The following ZNF467 variants were observed in gnomAD, a reference collection of about 807,000 sequenced individuals.
The protein encoded by ZNF467 is zinc finger protein 467, also known as zinc finger protein EZI.
In ZNF467, 51 loss-of-function variants were observed where a neutral mutation model predicts 47.8. The observed-to-expected ratio is 1.07, with a 90% CI of 0.85 to 1.35. ZNF467 has a LOEUF of 1.35. ZNF467 is among the 40% of genes most tolerant of loss of function. ZNF467 has a pLI of 0.00. For synonymous variants in ZNF467, 416 were observed against 372.9 expected (o/e 1.12, Z -1.33); for missense variants, 992 against 858.1 (o/e 1.16, Z -1.95).
intron 3 of ZNF467, among the ~76,000 whole-genome samples, chr7:149,770,173 T>C (rs544368466): frequency 2.6e-4 from 40 of 152,056 alleles, no homozygotes; most frequent in South Asian, 2.3e-3. Context: ...AATTTCCTTA[T>C]TTATTGTTTG....
Position 149,764,705 on chromosome 7 carries a change from G to A in ZNF467, c.*9C>T. The A allele has an allele frequency of 6.3e-7, 1 of 1,579,654 alleles. No individual in the cohort carries two copies. The highest frequency in any genetic ancestry group is 8.6e-7 in the Non-Finnish European group (1 of 1,159,204). ...TGTGGGCAAGAAAGGGTCCTCGTGA[G>A]AACTAGGCTCAGAAGAAGAGCGGGG... On this transcript the variant is annotated 3_prime_UTR_variant, in exon 5 of 5. Transcript: ENST00000302017.
chr7:149,771,691 C>T (rs981514921), intron 1 of ZNF467, among the ~76,000 whole-genome samples: 2 of 151,656 alleles, frequency 1.3e-5, no homozygotes, highest in African/African-American at 4.8e-5. Context: ...TTCCCTGCTC[C>T]GCCTTCCGCG....
upstream of ZNF467, chr7:149,776,483 C>A: frequency 7.5e-7 from 1 of 1,326,338 alleles, no homozygotes; most frequent in Non-Finnish European, 1.0e-6. Context: ...AGTGGCCGCT[C>A]GGGGCTTACC....
chr7:149,776,187 CGGGATCCT>C, upstream of ZNF467: 1 of 1,108,034 alleles, frequency 9.0e-7, no homozygotes, highest in Non-Finnish European at 1.2e-6. Flanking sequence ...CCCCCACCCC[CGGGATCCT>C]CCCTCCACCC....
At position 149,764,903 on chromosome 7, in the gene ZNF467, GTGGCGGACTAGGT is replaced by G; in HGVS notation, c.1586_1598del (p.Asn529ThrfsTer135). On this transcript the variant is annotated frameshift_variant, in exon 5 of 5. Coordinates refer to ENST00000302017, the MANE Select transcript of ZNF467 (RefSeq NM_207336.3). LOFTEE classifies it high-confidence loss of function. ...GGCGGGAGCCTGTGTGGATCGCCTGGTGGCGGACTAGGTTGGTTTTGGAGCTGAAGCTGCGGGC... is the reference window on the plus strand; with the variant it reads ...GGCGGGAGCCTGTGTGGATCGCCTGGTGGTTTTGGAGCTGAAGCTGCGGGC... 1 of 1,568,032 alleles carries G rather than the reference GTGGCGGACTAGGT, an allele frequency of 6.4e-7. No individual in the cohort carries two copies. Among genetic ancestry groups the G allele is most frequent in the Non-Finnish European group, 8.6e-7 (1 of 1,160,676 alleles).
upstream of ZNF467, among the ~76,000 whole-genome samples, chr7:149,775,708 TACACACACACACACAC>T (rs3085320): frequency 6.3e-3 from 869 of 139,004 alleles, 2 homozygotes; most frequent in Non-Finnish European, 7.0e-3. Flanking sequence ...AGTGTGAAAA[TACACACACACACACAC>T]ACACACACAC....
Position 149,765,746 on chromosome 7 carries a change from G to A in ZNF467, c.756C>T (p.Arg252=). 2 of 1,613,358 alleles carry A rather than the reference G, an allele frequency of 1.2e-6. No homozygotes were observed. Among genetic ancestry groups the A allele is most frequent in the Non-Finnish European group, 1.7e-6 (2 of 1,179,772 alleles). ...RPYPCAECGK[R]FSQKIHLGSH... is the part of the protein sequence containing the mutation. ...AGCCCAGGTGGATCTTCTGGCTGAAGCGCTTGCCGCACTCCGCGCACGGGT... is the reference window on the plus strand; with the variant it reads ...AGCCCAGGTGGATCTTCTGGCTGAAACGCTTGCCGCACTCCGCGCACGGGT... Residue 252 remains arginine (R), a synonymous_variant, in exon 5 of 5, where the codon CGC becomes CGT. Coordinates refer to ENST00000302017, the MANE Select transcript of ZNF467 (RefSeq NM_207336.3).
At chr7:149,776,417 C>T (rs201133783), upstream of ZNF467, 1,773 of 1,358,202 alleles carry the variant, frequency 1.3e-3, 7 homozygotes, top group Non-Finnish European at 1.4e-3. Flanking sequence ...GACCTGGTAC[C>T]CTGTGCCAGC....
chr7:149,774,996 C>T (rs1035798841), upstream of ZNF467, among the ~76,000 whole-genome samples: 4 of 152,066 alleles, frequency 2.6e-5, no homozygotes, highest in Non-Finnish European at 5.9e-5. This position sits in a 1 kb window ranked among gnomAD's most constrained non-coding sequence, Gnocchi z 5.7. Flanking sequence ...TGCATTCCAG[C>T]CCGGGTGTCC....
At position 149,766,053 on chromosome 7, in the gene ZNF467, G is replaced by C; in HGVS notation, c.449C>G (p.Ser150Cys). Residue 150 changes from serine (S) to cysteine (C), a missense_variant, in exon 5 of 5, where the codon TCT (serine) becomes TGT (cysteine). Ser to Cys is a moderately radical substitution (Grantham distance 112). Coordinates refer to ENST00000302017, the MANE Select transcript of ZNF467 (RefSeq NM_207336.3). Reference protein sequence around the residue: ...APGALSGLALSGWGPMPEKPY... With the variant: ...APGALSGLALCGWGPMPEKPY... Reference sequence around the variant, plus strand: ...CTTCTCCGGCATCGGACCCCACCCAGACAGCGCGAGCCCACTCAGTGCCCC... The same window carrying C: ...CTTCTCCGGCATCGGACCCCACCCACACAGCGCGAGCCCACTCAGTGCCCC... 1 of 1,605,026 alleles carries C rather than the reference G, an allele frequency of 6.2e-7. No homozygotes were observed. Among genetic ancestry groups the C allele is most frequent in the Non-Finnish European group, 8.5e-7 (1 of 1,175,734 alleles).
Position 149,764,924 on chromosome 7 carries a change from G to A in ZNF467, c.1578C>T (p.Ser526=), listed in dbSNP as rs1333706181. The change falls in exon 5 of 5, where the codon TCC becomes TCT. Residue 526 remains serine, a synonymous_variant. Transcript: ENST00000302017. The part of the protein sequence containing the change: ...ACAVCARSFS[S]KTNLVRHQAI... Reference sequence around the variant, plus strand: ...CCTGGTGGCGGACTAGGTTGGTTTTGGAGCTGAAGCTGCGGGCGCAGACGG... The same window carrying A: ...CCTGGTGGCGGACTAGGTTGGTTTTAGAGCTGAAGCTGCGGGCGCAGACGG... 2 of 1,573,252 alleles carry A rather than the reference G, an allele frequency of 1.3e-6. No homozygotes were observed. The highest frequency in any genetic ancestry group is 2.3e-5 in the South Asian group (2 of 88,082).
Position 149,765,219 on chromosome 7 carries a change from T to C in ZNF467, c.1283A>G (p.Glu428Gly). 6.7e-7 allele frequency: 1 copy of C among 1,496,576 alleles called. No individual in the cohort carries two copies. Among genetic ancestry groups the C allele is most frequent in the Non-Finnish European group, 8.9e-7 (1 of 1,126,740 alleles). 92.7% of individuals were successfully genotyped at this position (1,496,576 alleles called of 1,614,324 possible). ...GCAGTCCGGGCAGAAGAAGGACCGC[T>C]CGCCCGAGGGGGCGCGCTGGGGCAC... is the stretch of plus-strand genomic sequence containing the variant. Reference protein sequence around the residue: ...PVVPQRAPSGERSFFCPDCGR... With the variant: ...PVVPQRAPSGGRSFFCPDCGR... Residue 428 changes from glutamate (E) to glycine (G), a missense_variant, in exon 5 of 5, where the codon GAG becomes GGG. Transcript: ENST00000302017.
chr7:149,770,681 G>A, intron 2 of ZNF467, 125 bp from the exon 3 acceptor site: 2 of 800,576 alleles, frequency 2.5e-6, no homozygotes, highest in Middle Eastern at 3.0e-4. Context: ...GGAAGGACAG[G>A]GTCTCTCACC....
At position 149,770,552 on chromosome 7, in the gene ZNF467, G is replaced by T. The variant is rs1233986117; in HGVS notation, c.39C>A (p.Phe13Leu). The T allele has an allele frequency of 1.9e-6, 3 of 1,612,358 alleles. 1 individual carries two copies. The highest frequency in any genetic ancestry group is 1.1e-5 in the South Asian group (1 of 90,860). The change falls in exon 3 of 5, where the codon TTC becomes TTA. Residue 13 changes from phenylalanine (F) to leucine (L), a missense_variant. Phe to Leu is a conservative substitution (Grantham distance 22). Coordinates refer to ENST00000302017, the MANE Select transcript of ZNF467 (RefSeq NM_207336.3). ...GGGCCATCTCTGGCTGTCCCACAGA[G>T]AATCCTGTTACAGGCAGAAGGATGG... ...ETLEALSSLG[F>L]SVGQPEMAPQ...
chr7:149,765,273 G>T lies in ZNF467; in HGVS notation c.1229C>A (p.Pro410Gln), dbSNP rs1178916325. 4 of 1,459,282 alleles carry T rather than the reference G, an allele frequency of 2.7e-6. No individual in the cohort carries two copies. Among genetic ancestry groups the T allele is most frequent in the Non-Finnish European group, 2.7e-6 (3 of 1,105,752 alleles). 90.4% of individuals were successfully genotyped at this position (1,459,282 alleles called of 1,614,324 possible). A position where few individuals can be genotyped will look rare whatever the true frequency, so the allele number is the denominator to read the frequency against. The change falls in exon 5 of 5, where the codon CCG (proline) becomes CAG (glutamine). Residue 410 changes from proline (P) to glutamine (Q), a missense_variant. Coordinates refer to ENST00000302017, the MANE Select transcript of ZNF467 (RefSeq NM_207336.3). Reference sequence around the variant, plus strand: ...GGGATCGGATCCTGGGCCGCAGCCCGGTCCGCCAGGCGCGCTGGCCAGGGG... The same window carrying T: ...GGGATCGGATCCTGGGCCGCAGCCCTGTCCGCCAGGCGCGCTGGCCAGGGG... ...AKPLASAPGG[P>Q]GCGPGSDPVV...
intron 2 of ZNF467, among the ~76,000 whole-genome samples, 159 bp downstream of exon 2, chr7:149,770,840 G>C (rs1442459815): frequency 6.6e-6 from 1 of 152,226 alleles, no homozygotes; most frequent in East Asian, 1.9e-4. Flanking sequence ...CCATGTTCCA[G>C]GCATTCAGAC....
intron 2 of ZNF467, 70 bp from the exon 3 acceptor site, chr7:149,770,626 G>T: frequency 1.5e-6 from 2 of 1,359,174 alleles, no homozygotes; most frequent in Non-Finnish European, 2.0e-6. Flanking sequence ...GGCGGGGGCT[G>T]TTCCCCTTCC....
upstream of ZNF467, chr7:149,776,375 G>T: frequency 7.3e-7 from 1 of 1,363,726 alleles, no homozygotes; most frequent in Non-Finnish European, 9.8e-7. Context: ...GAGACCATCC[G>T]TGTGGAGGAG....
chr7:149,764,812 T>G lies in ZNF467; in HGVS notation c.1690A>C (p.Ile564Leu), dbSNP rs574444064. The change falls in exon 5 of 5, where the codon ATT (isoleucine) becomes CTT (leucine). Residue 564 changes from isoleucine (I) to leucine (L), a missense_variant. Ile to Leu is a conservative substitution (Grantham distance 5). Coordinates refer to ENST00000302017, the MANE Select transcript of ZNF467 (RefSeq NM_207336.3). Reference sequence around the variant, plus strand: ...GCCGCGTGGGCGGCTTCGCCGTGAATGAGCTGGTGCCGCACCAGGTGGGTC... The same window carrying G: ...GCCGCGTGGGCGGCTTCGCCGTGAAGGAGCTGGTGCCGCACCAGGTGGGTC... The part of the protein sequence containing the change: ...RKTHLVRHQL[I>L]HGEAAHAAPD... 10 of 1,532,338 alleles carry G rather than the reference T, an allele frequency of 6.5e-6. 1 individual carries two copies. In the South Asian group the frequency reaches 1.3e-4, roughly 19 times the overall value. The allele number at this position is 1,532,338 out of a possible 1,614,324, so 94.9% of individuals were successfully genotyped here.
Sources: gnomAD v4.1 joint callset for allele counts (sites outside exome capture counted in the v4.1 genomes callset) on GRCh38, gnomAD v4.1.1 for gene constraint, Gnocchi (gnomAD v3.1) non-coding constraint, MANE v1.5 for transcripts, NCBI Gene and HGNC (gene_info 2026-07-23, HGNC 2026-07-21) for gene names.